Variants in INO80 observed in about 807,000 individuals in gnomAD.
INO80 encodes chromatin-remodeling ATPase INO80.
A neutral mutation model predicts 203.4 loss-of-function variants in INO80; 20 were observed. The observed-to-expected ratio is 0.10, with a 90% CI of 0.07 to 0.14. The LOEUF (loss-of-function observed/expected upper bound fraction) is 0.14, where lower values mean the gene tolerates loss of function less well. Ranked by LOEUF, INO80 falls within the 10% of genes least tolerant of loss-of-function variation. The pLI, the probability that INO80 is intolerant of heterozygous loss-of-function variation, is 1.00. For missense variants in INO80, 1,419 were observed against 1,914.4 expected, an observed-to-expected ratio of 0.74 and a Z score of 4.83; for synonymous variants, 726 against 685.2, an observed-to-expected ratio of 1.06 and a Z score of -0.93.
intron 34 of INO80, 35 bp downstream of exon 34, chr15:40,983,727 A>AC (rs1481677240): frequency 1.2e-6 from 2 of 1,603,418 alleles, no homozygotes; most frequent in African/African-American, 2.7e-5. Context: ...TGGGCAGTGG[A>AC]CCAGGCCCAA....
At chr15:41,056,592 T>C in intron 17 of INO80, 30 bp downstream of exon 17, 2 of 1,506,134 alleles carry the variant, frequency 1.3e-6, no homozygotes, top group Non-Finnish European at 1.8e-6. Flanking sequence ...TTTATGAAGA[T>C]ATAAACCTGT....
chr15:41,112,245 T>C (rs1343928201), intron 1 of INO80, among the ~76,000 whole-genome samples: 7 of 152,132 alleles, frequency 4.6e-5, no homozygotes, highest in Admixed American at 6.6e-5. Flanking sequence ...AGAAGGACTA[T>C]AACAAAAATA....
chr15:41,029,853 T>C (rs1268218557), intron 24 of INO80, among the ~76,000 whole-genome samples: 1 of 152,220 alleles, frequency 6.6e-6, no homozygotes, highest in Non-Finnish European at 1.5e-5. Flanking sequence ...ATTTCTGACA[T>C]CAGCAGTAGC....
chr15:41,057,795 C>T (rs1447090619), intron 16 of INO80, among the ~76,000 whole-genome samples: 2 of 54,618 alleles, frequency 3.7e-5, no homozygotes, highest in East Asian at 1.5e-3. Context: ...GAAACTACAT[C>T]TCAAAAAAAA....
intron 13 of INO80, among the ~76,000 whole-genome samples, chr15:41,069,915 T>C (rs1251994175): frequency 6.6e-6 from 1 of 152,216 alleles, no homozygotes; most frequent in Non-Finnish European, 1.5e-5. Flanking sequence ...CCACAAAGCA[T>C]TCATGACACA....
chr15:41,000,160 T>C (rs780698386), intron 28 of INO80, among the ~76,000 whole-genome samples: 1 of 152,152 alleles, frequency 6.6e-6, no homozygotes, highest in African/African-American at 2.4e-5. Context: ...TCCATACATC[T>C]TCCTCTCCTG....
At chr15:40,990,421 CATG>C (rs985040565) in intron 29 of INO80, among the ~76,000 whole-genome samples, 2 of 152,168 alleles carry the variant, frequency 1.3e-5, no homozygotes, top group African/African-American at 4.8e-5. Context: ...AGTACAGTGG[CATG>C]ATCTTGGCTC....
At chr15:40,987,608 C>T (rs935261469) in intron 30 of INO80, among the ~76,000 whole-genome samples, 18 of 152,186 alleles carry the variant, frequency 1.2e-4, no homozygotes, top group African/African-American at 4.1e-4. Flanking sequence ...CTATGGAAAC[C>T]ATTCTAGGGG....
chr15:41,003,455 G>A (rs1344198467), intron 28 of INO80, among the ~76,000 whole-genome samples: 1 of 147,746 alleles, frequency 6.8e-6, no homozygotes, highest in Non-Finnish European at 1.5e-5. Context: ...TCAGCCTCCC[G>A]AGTAGCTGGG....
chr15:41,046,206 CATATATATATATAT>C (rs1160486459), intron 23 of INO80, among the ~76,000 whole-genome samples: 4 of 14,426 alleles, frequency 2.8e-4, no homozygotes, highest in African/African-American at 9.1e-4. Context: ...CGTATACATA[CATATATATATATAT>C]ATATATATAT....
intron 4 of INO80, among the ~76,000 whole-genome samples, chr15:41,095,134 T>A (rs1596324257): frequency 6.6e-6 from 1 of 151,428 alleles, no homozygotes; most frequent in African/African-American, 2.4e-5. Context: ...AGGTCAGGAG[T>A]TCGAGACCAA....
intron 9 of INO80, among the ~76,000 whole-genome samples, chr15:41,075,012 C>T (rs939147369): frequency 6.6e-6 from 1 of 152,090 alleles, no homozygotes; most frequent in Non-Finnish European, 1.5e-5. Context: ...GCTGGGATTA[C>T]AGGCATGAGC....
At chr15:41,019,175 G>T (rs777306901) in intron 26 of INO80, among the ~76,000 whole-genome samples, 4 of 152,208 alleles carry the variant, frequency 2.6e-5, no homozygotes, top group Non-Finnish European at 5.9e-5. Context: ...ACATGGAGAA[G>T]AAAAGGTGTG....
chr15:41,079,374 C>A (rs1204741739), intron 9 of INO80, among the ~76,000 whole-genome samples: 1 of 151,972 alleles, frequency 6.6e-6, no homozygotes. Context: ...AGGAAGACAG[C>A]TTAGAAGAAA....
At chr15:40,986,316 C>CTTTTT (rs551165963) in intron 31 of INO80, among the ~76,000 whole-genome samples, 350 of 90,652 alleles carry the variant, frequency 3.9e-3, no homozygotes, top group Non-Finnish European at 5.7e-3. Context: ...CTCCACAATG[C>CTTTTT]TTTTTTTTTT....
intron 1 of INO80, among the ~76,000 whole-genome samples, chr15:41,102,394 G>A (rs1251157583): frequency 4.0e-5 from 6 of 151,716 alleles, no homozygotes; most frequent in African/African-American, 9.7e-5. Context: ...TAGGCCAGGC[G>A]CAGTGGCTCA....
intron 19 of INO80, among the ~76,000 whole-genome samples, chr15:41,050,937 C>T (rs1010793097): frequency 1.3e-5 from 2 of 151,916 alleles, no homozygotes; most frequent in African/African-American, 4.8e-5. Context: ...TCAAGACCAG[C>T]CTGGCCAACA....
chr15:41,044,088 A>G (rs1314250244), intron 24 of INO80, among the ~76,000 whole-genome samples: 1 of 152,238 alleles, frequency 6.6e-6, no homozygotes, highest in Non-Finnish European at 1.5e-5. Flanking sequence ...CAAATCTCAC[A>G]TACCGTAGGT....
At chr15:41,068,785 G>C (rs2045264205) in intron 14 of INO80, among the ~76,000 whole-genome samples, 1 of 152,138 alleles carries the variant, frequency 6.6e-6, no homozygotes, top group African/African-American at 2.4e-5. Flanking sequence ...GCTTGAACCT[G>C]GGAGATGGAG....
Sources: allele counts gnomAD v4.1 joint callset (sites outside exome capture counted in the v4.1 genomes callset), GRCh38; gene constraint gnomAD v4.1.1; transcripts MANE v1.5; gene names NCBI Gene and HGNC (gene_info 2026-07-23, HGNC 2026-07-21).